The following BRWD1 variants were observed in gnomAD, a reference collection of about 807,000 sequenced individuals.
The protein encoded by BRWD1 is bromodomain and WD repeat domain containing 1, also known as bromodomain and WD repeat-containing protein 1.
In BRWD1, 82 loss-of-function variants were observed where a neutral mutation model predicts 251.2. That is an observed-to-expected ratio of 0.33 (90% CI 0.27 to 0.39). The LOEUF (loss-of-function observed/expected upper bound fraction) is 0.39. Ranked by LOEUF, BRWD1 falls within the 10% of genes least tolerant of loss-of-function variation. The pLI, the probability that BRWD1 is intolerant of heterozygous loss-of-function variation, is 1.00. For missense variants in BRWD1, 2,233 were observed against 2,711.6 expected, an observed-to-expected ratio of 0.82 and a Z score of 3.92; for synonymous variants, 918 against 902.8, an observed-to-expected ratio of 1.02 and a Z score of -0.30.
chr21:39,244,458 C>T lies in BRWD1; in HGVS notation c.2481+3243G>A, dbSNP rs765584883. On this transcript the variant is annotated intron_variant, in intron 21 of 40. Transcript: ENST00000342449. ...ATTTTTAAAAGAGATTATAAGAGTG[C>T]CTGAATTCCTACTTGTTGGAATGAT... Among the ~76,000 whole-genome samples the T allele has an allele frequency of 1.3e-5, 2 of 152,046 alleles. 1 individual carries two copies. Among genetic ancestry groups the T allele is most frequent in the Non-Finnish European group, 2.9e-5 (2 of 68,010 alleles).
chr21:39,313,449 C>G lies in BRWD1; in HGVS notation c.43G>C (p.Glu15Gln), dbSNP rs1443481840. Residue 15 changes from glutamate to glutamine, a missense_variant, in exon 1 of 41, where the codon GAG (glutamate) becomes CAG (glutamine). Physicochemically the swap from Glu to Gln is conservative, Grantham distance 29. Coordinates refer to ENST00000342449, the MANE Select transcript of BRWD1 (RefSeq NM_033656.4). Reference protein sequence around the residue: ...SSARRPVPLIESELYFLIARY... With the variant: ...SSARRPVPLIQSELYFLIARY... ...GCACGGCCTCGCGTCTTACCCGACT[C>G]GATGAGAGGCACCGGGCGTCGGGCG... The G allele has an allele frequency of 4.4e-6, 6 of 1,360,186 alleles. No individual in the cohort carries two copies. Among genetic ancestry groups the G allele is most frequent in the Non-Finnish European group, 5.7e-6 (6 of 1,060,612 alleles). The allele number at this position is 1,360,186 out of a possible 1,614,324, so 84.3% of individuals were successfully genotyped here.
downstream of BRWD1, chr21:39,184,754 T>C (rs1026924303): frequency 2.6e-5 from 4 of 152,238 alleles, no homozygotes; most frequent in Non-Finnish European, 5.9e-5. Flanking sequence ...ACGAAATTGC[T>C]AGCCAGTAAG....
chr21:39,208,587 C>G (rs2032518249), intron 36 of BRWD1, among the ~76,000 whole-genome samples: 2 of 152,194 alleles, frequency 1.3e-5, no homozygotes, highest in African/African-American at 4.8e-5. Flanking sequence ...GAGTCTTGCT[C>G]TGTTGCCCAG....
At chr21:39,271,302 A>G (rs1470229544) in intron 13 of BRWD1, among the ~76,000 whole-genome samples, 1 of 151,820 alleles carries the variant, frequency 6.6e-6, no homozygotes, top group Non-Finnish European at 1.5e-5. Flanking sequence ...CAAAAAATAA[A>G]AAAGTGATAT....
chr21:39,288,426 C>T (rs371672132), intron 8 of BRWD1, among the ~76,000 whole-genome samples: 109 of 152,242 alleles, frequency 7.2e-4, no homozygotes, highest in African/African-American at 2.6e-3. Context: ...AGAGTACCTC[C>T]CCCAAGTTTT....
At chr21:39,306,854 A>T (rs1353260641) in intron 4 of BRWD1, among the ~76,000 whole-genome samples, 1 of 152,084 alleles carries the variant, frequency 6.6e-6, no homozygotes, top group Non-Finnish European at 1.5e-5. Flanking sequence ...ATAATTGAAA[A>T]TTTGTTTATT....
At chr21:39,267,710 C>T (rs1209849824) in intron 15 of BRWD1, among the ~76,000 whole-genome samples, 2 of 152,122 alleles carry the variant, frequency 1.3e-5, no homozygotes, top group African/African-American at 2.4e-5. Flanking sequence ...CCCTTTTACA[C>T]AATAATTCCT....
At chr21:39,310,437 G>A (rs192644778) in intron 4 of BRWD1, among the ~76,000 whole-genome samples, 6 of 150,416 alleles carry the variant, frequency 4.0e-5, no homozygotes, top group East Asian at 2.0e-4. Context: ...TCAGGAGTTC[G>A]AGACCAGCCT....
In BRWD1 at chr21:39,270,410, C is replaced by T; in HGVS notation, c.1268G>A (p.Arg423Lys). The change falls in exon 14 of 41, where the codon AGG becomes AAG. Residue 423 changes from arginine (R) to lysine (K), a missense_variant. Arg to Lys is a conservative substitution (Grantham distance 26). Coordinates refer to ENST00000342449, the MANE Select transcript of BRWD1 (RefSeq NM_033656.4). ...CATTGTTACTTTAGGTTTCATAAAC[C>T]TTTCCTCTTCGGAAGATAAGTCCCT... ...ISGDLSSEEE[R>K]FMKPKVTMIA... 1 of 1,608,566 alleles carries T rather than the reference C, an allele frequency of 6.2e-7. No individual in the cohort carries two copies. Among genetic ancestry groups the T allele is most frequent in the African/African-American group, 1.3e-5 (1 of 74,744 alleles).
chr21:39,310,515 TACTGAGGAG>T (rs996209213), intron 4 of BRWD1, among the ~76,000 whole-genome samples: 32 of 151,958 alleles, frequency 2.1e-4, no homozygotes, highest in Non-Finnish European at 4.4e-4. Flanking sequence ...TAATCCCAGC[TACTGAGGAG>T]GCTGAGGCAG....
chr21:39,258,313 T>C (rs1157859926), intron 18 of BRWD1, among the ~76,000 whole-genome samples, 174 bp downstream of exon 18: 2 of 152,212 alleles, frequency 1.3e-5, no homozygotes, highest in Non-Finnish European at 2.9e-5. Context: ...CAAAGACCCA[T>C]TTGTTACTAC....
chr21:39,306,094 C>G (rs1412573599), intron 4 of BRWD1, among the ~76,000 whole-genome samples: 1 of 148,468 alleles, frequency 6.7e-6, no homozygotes, highest in African/African-American at 2.5e-5. Context: ...TTTTTGAGAC[C>G]GAGTCTCACT....
chr21:39,307,431 G>A (rs2036323172), intron 4 of BRWD1, among the ~76,000 whole-genome samples: 1 of 151,896 alleles, frequency 6.6e-6, no homozygotes, highest in Non-Finnish European at 1.5e-5. Context: ...GAATATCAAT[G>A]TATTATATGT....
At chr21:39,308,086 C>A (rs1427722031) in intron 4 of BRWD1, among the ~76,000 whole-genome samples, 1 of 152,078 alleles carries the variant, frequency 6.6e-6, no homozygotes, top group Non-Finnish European at 1.5e-5. Flanking sequence ...GCTTATGTTG[C>A]CCAGGCTGCT....
chr21:39,191,835 C>T lies in BRWD1; in HGVS notation c.*4424G>A, dbSNP rs915026564. The T allele has an allele frequency of 2.0e-6, 2 of 984,754 alleles. No individual in the cohort carries two copies. Among genetic ancestry groups the T allele is most frequent in the South Asian group, 4.7e-5 (1 of 21,282 alleles). 61.0% of individuals were successfully genotyped at this position (984,754 alleles called of 1,614,324 possible). On this transcript the variant is annotated 3_prime_UTR_variant, in exon 41 of 41. Transcript: ENST00000342449. The stretch of plus-strand genomic sequence containing the variant: ...GGCAGTCTAAAATCTCATTTAAGGG[C>T]TTTAATAAATGAAAAAACTTACCTT...
intron 36 of BRWD1, among the ~76,000 whole-genome samples, chr21:39,208,858 T>C (rs1302439889): frequency 6.6e-6 from 1 of 152,026 alleles, no homozygotes; most frequent in African/African-American, 2.4e-5. Flanking sequence ...CCTCATCAAG[T>C]TTTGAAAAGT....
At chr21:39,317,208 A>G (rs1038536512), upstream of BRWD1, 9 of 152,224 alleles carry the variant, frequency 5.9e-5, no homozygotes, top group South Asian at 1.9e-3. Flanking sequence ...TCTCCAAACA[A>G]GGCAAGAATC....
chr21:39,312,835 G>A lies in BRWD1; in HGVS notation c.198+6C>T, dbSNP rs555410116. The A allele has an allele frequency of 2.5e-6, 4 of 1,585,516 alleles. No individual in the cohort carries two copies. Among genetic ancestry groups the A allele is most frequent in the East Asian group, 4.7e-5 (2 of 42,486 alleles). On this transcript the variant is annotated splice_donor_region_variant and intron_variant, in intron 4 of 40. Transcript: ENST00000342449. ...AACCCGGGGAGCAAACGTGCCCAATGCTCACCAACTCCTCGTAGCTCCTGT... is the reference window on the plus strand; with the variant it reads ...AACCCGGGGAGCAAACGTGCCCAATACTCACCAACTCCTCGTAGCTCCTGT...
chr21:39,187,597 GC>G lies in BRWD1; in HGVS notation c.*8661del. On this transcript the variant is annotated 3_prime_UTR_variant, in exon 41 of 41. Transcript: ENST00000342449. The stretch of plus-strand genomic sequence containing the variant: ...TTCACATTGATATAACCTTACATTT[GC>G]TTATCTACAACTATAAGGATGTCAC... 2 of 985,064 alleles carry G rather than the reference GC, an allele frequency of 2.0e-6. No homozygotes were observed. Among genetic ancestry groups the G allele is most frequent in the African/African-American group, 3.5e-5 (2 of 57,334 alleles). The allele number at this position is 985,064 out of a possible 1,614,324, so 61.0% of individuals were successfully genotyped here. A position where few individuals can be genotyped will look rare whatever the true frequency, so the allele number is the denominator to read the frequency against.
Sources: allele counts gnomAD v4.1 joint callset (sites outside exome capture counted in the v4.1 genomes callset), GRCh38; gene constraint gnomAD v4.1.1; transcripts MANE v1.5; gene names NCBI Gene and HGNC (gene_info 2026-07-23, HGNC 2026-07-21).